Variants in TSHR observed in about 807,000 individuals in gnomAD.
TSHR encodes the protein thyroid stimulating hormone receptor.
In TSHR, 51 loss-of-function variants were observed where a neutral mutation model predicts 64.1. The ratio of observed to expected loss-of-function variants is 0.80; its 90% CI spans 0.64 to 1.01. The LOEUF is 1.01. Among genes scored for constraint, TSHR ranks in the 50% least tolerant of loss-of-function variants. The pLI, the probability that TSHR is intolerant of heterozygous loss-of-function variation, is 0.00. For synonymous variants in TSHR, 361 were observed against 361.9 expected, an observed-to-expected ratio of 1.00 and a Z score of 0.03; for missense variants, 877 against 942.8, an observed-to-expected ratio of 0.93 and a Z score of 0.91.
intron 8 of TSHR, among the ~76,000 whole-genome samples, chr14:81,116,676 C>A (rs1463441779): frequency 1.4e-5 from 2 of 146,058 alleles, no homozygotes; most frequent in Non-Finnish European, 3.0e-5. Flanking sequence ...CTGCACCAAG[C>A]GGACCTAATA....
chr14:80,967,256 C>A (rs1489651950), intron 1 of TSHR, among the ~76,000 whole-genome samples: 3 of 149,244 alleles, frequency 2.0e-5, no homozygotes, highest in Non-Finnish European at 4.4e-5. Context: ...TTGAGCCACA[C>A]ACACACACAA....
intron 1 of TSHR, among the ~76,000 whole-genome samples, chr14:81,019,457 C>CTTTTTTTTTTTTTTTTTTTTTTTTT (rs1166193901): frequency 8.4e-6 from 1 of 118,388 alleles, no homozygotes; most frequent in Non-Finnish European, 1.8e-5. Flanking sequence ...ATCATCAATT[C>CTTTTTTTTTTTTTTTTTTTTTTTTT]TTTTTTTTTT....
chr14:80,988,104 G>C (rs988194078), intron 1 of TSHR, among the ~76,000 whole-genome samples: 2 of 152,114 alleles, frequency 1.3e-5, no homozygotes, highest in Non-Finnish European at 2.9e-5. Context: ...ACTCCCATTT[G>C]AACTTTAATT....
intron 1 of TSHR, among the ~76,000 whole-genome samples, chr14:81,047,673 T>TC (rs1463117225): frequency 6.6e-6 from 1 of 151,130 alleles, no homozygotes; most frequent in African/African-American, 2.4e-5. Flanking sequence ...TCTTTTTTTT[T>TC]TTTTTTTTGA....
intron 1 of TSHR, among the ~76,000 whole-genome samples, chr14:81,000,207 C>T (rs1889241442): frequency 6.6e-6 from 1 of 152,150 alleles, no homozygotes; most frequent in Admixed American, 6.5e-5. Context: ...GCTGGGATTA[C>T]AGGCGTGAGC....
At chr14:81,124,020 A>T (rs1890914468) in intron 8 of TSHR, among the ~76,000 whole-genome samples, 1 of 152,202 alleles carries the variant, frequency 6.6e-6, no homozygotes, top group South Asian at 2.1e-4. Flanking sequence ...ATTCTAAATT[A>T]TGTAACCCAC....
Position 81,068,232 on chromosome 14 carries a change from CTT to C in TSHR, c.243-21_243-20del. On this transcript the variant is annotated intron_variant, in intron 2 of 9. Coordinates refer to ENST00000298171, the MANE Select transcript of TSHR (RefSeq NM_000369.5). ...CAACCTTACTAACTTTCTACTTTGT[CTT>C]ATATTTTTCTGACATTCAGCTACGT... is the stretch of plus-strand genomic sequence containing the variant. 1 of 1,610,230 alleles carries C rather than the reference CTT, an allele frequency of 6.2e-7. No homozygotes were observed. Among genetic ancestry groups the C allele is most frequent in the Non-Finnish European group, 8.5e-7 (1 of 1,177,390 alleles).
chr14:80,969,385 G>T lies in TSHR; in HGVS notation c.170+13535G>T, dbSNP rs114567203. Among the ~76,000 whole-genome samples the T allele has an allele frequency of 5.9e-3, 901 of 152,316 alleles. 9 individuals carry two copies. Among genetic ancestry groups the T allele is most frequent in the African/African-American group, 0.02 (845 of 41,558 alleles). On this transcript the variant is annotated intron_variant, in intron 1 of 9. Coordinates refer to ENST00000298171, the MANE Select transcript of TSHR (RefSeq NM_000369.5). ...GTATTTTATAAACCCTTAAATGGTG[G>T]TGCCGGTGGAGGCATTGAAGTCAGA...
chr14:81,023,951 CCTA>C (rs1362915678), intron 1 of TSHR, among the ~76,000 whole-genome samples: 1 of 152,088 alleles, frequency 6.6e-6, no homozygotes, highest in Non-Finnish European at 1.5e-5. Context: ...ATTTAGTACA[CCTA>C]CTATGTACCC....
At chr14:81,076,726 C>T (rs1405825370) in intron 3 of TSHR, among the ~76,000 whole-genome samples, 2 of 152,304 alleles carry the variant, frequency 1.3e-5, no homozygotes, top group East Asian at 3.9e-4. Context: ...TGCCACCACC[C>T]TTATTTAAGC....
chr14:81,100,124 CTCTT>C (rs1889481633), intron 7 of TSHR, among the ~76,000 whole-genome samples: 2 of 152,168 alleles, frequency 1.3e-5, no homozygotes, highest in African/African-American at 4.8e-5. Context: ...TTCTTCAACT[CTCTT>C]TCCATAGTAA....
chr14:81,125,297 G>A (rs1306635024), intron 8 of TSHR, among the ~76,000 whole-genome samples: 1 of 152,148 alleles, frequency 6.6e-6, no homozygotes, highest in Non-Finnish European at 1.5e-5. Flanking sequence ...AGGAAAACAT[G>A]GGATGTGTTC....
At position 81,143,014 on chromosome 14, in the gene TSHR, A is replaced by G. The variant is rs1394900652; in HGVS notation, c.956A>G (p.Asn319Ser). Residue 319 changes from asparagine (N) to serine (S), a missense_variant, in exon 10 of 10, where the codon AAT (asparagine) becomes AGT (serine). By Grantham distance (46) the Asn-to-Ser change is conservative (BLOSUM62 1). Coordinates refer to ENST00000298171, the MANE Select transcript of TSHR (RefSeq NM_000369.5). ...LRQRKSVNAL[N>S]SPLHQEYEEN... ...CAGAGAAAATCTGTGAATGCCTTGA[A>G]TAGCCCCCTCCACCAGGAATATGAA... is the stretch of plus-strand genomic sequence containing the variant. 3 of 1,614,208 alleles carry G rather than the reference A, an allele frequency of 1.9e-6. No individual in the cohort carries two copies. The highest frequency in any genetic ancestry group is 1.7e-6 in the Non-Finnish European group (2 of 1,180,044).
At chr14:81,096,572 C>T in intron 6 of TSHR, 67 bp from the exon 7 acceptor site, 2 of 1,501,842 alleles carry the variant, frequency 1.3e-6, no homozygotes, top group East Asian at 4.5e-5. Context: ...TATAGTCCAA[C>T]TCTCCAGAAA....
rs561574206 is a variant in TSHR, at chr14:81,096,488, A to T, written c.546-151A>T. 108 of 702,388 alleles carry T rather than the reference A, an allele frequency of 1.5e-4. 1 individual carries two copies. The South Asian group carries it at 1.6e-3, about 10-fold the overall frequency. The allele number at this position is 702,388 out of a possible 1,614,324, so 43.5% of individuals were successfully genotyped here. A position where few individuals can be genotyped will look rare whatever the true frequency, so the allele number is the denominator to read the frequency against. On this transcript the variant is annotated intron_variant, in intron 6 of 9. Coordinates refer to ENST00000298171, the MANE Select transcript of TSHR (RefSeq NM_000369.5). ...TATTATCTTGTTTCCAACAACTTGTACTGGAAAGTTTTCTTGTGGGATACA... is the reference window on the plus strand; with the variant it reads ...TATTATCTTGTTTCCAACAACTTGTTCTGGAAAGTTTTCTTGTGGGATACA...
At chr14:81,085,090 T>C (rs112723222) in intron 3 of TSHR, among the ~76,000 whole-genome samples, 4,997 of 152,202 alleles carry the variant, frequency 0.033, 240 homozygotes, top group African/African-American at 0.1. Flanking sequence ...GCCTCCCAAA[T>C]AGCTGGAATT....
chr14:81,141,326 C>A (rs1891677470), intron 9 of TSHR, among the ~76,000 whole-genome samples: 1 of 152,216 alleles, frequency 6.6e-6, no homozygotes, highest in Non-Finnish European at 1.5e-5. Context: ...TTTCCCTAGC[C>A]TCCAGTTGAG....
At chr14:80,989,620 C>G (rs1888627997) in intron 1 of TSHR, among the ~76,000 whole-genome samples, 1 of 152,174 alleles carries the variant, frequency 6.6e-6, no homozygotes, top group African/African-American at 2.4e-5. Flanking sequence ...CTTCAAGTCT[C>G]AGATCAAATG....
intron 1 of TSHR, chr14:81,032,915 C>T (rs773057964): frequency 5.6e-5 from 20 of 356,108 alleles, no homozygotes; most frequent in Non-Finnish European, 1.0e-4. Context: ...AGAGGAATTC[C>T]ATGAGCTGAA....
Sources: allele counts gnomAD v4.1 joint callset (sites outside exome capture counted in the v4.1 genomes callset), GRCh38; gene constraint gnomAD v4.1.1; transcripts MANE v1.5; gene names NCBI Gene and HGNC (gene_info 2026-07-23, HGNC 2026-07-21).